LPCAT2: variants seen among roughly 807,000 people sequenced by gnomAD.
The protein encoded by LPCAT2 is 1-AGP acyltransferase 11.
A neutral mutation model predicts 64.7 loss-of-function variants in LPCAT2; 58 were observed. That is an observed-to-expected ratio of 0.90 (90% CI 0.73 to 1.12). The LOEUF (loss-of-function observed/expected upper bound fraction) is 1.12, where lower values mean the gene tolerates loss of function less well. Among genes scored for constraint, LPCAT2 ranks in the 50% most tolerant of loss-of-function variants. LPCAT2 has a pLI of 0.00. For missense variants in LPCAT2, 579 were observed against 669.8 expected (o/e 0.86, Z 1.50); for synonymous variants, 252 against 245.3 (o/e 1.03, Z -0.26).
intron 1 of LPCAT2, among the ~76,000 whole-genome samples, chr16:55,513,841 G>A (rs1962969123): frequency 6.6e-6 from 1 of 152,160 alleles, no homozygotes; most frequent in African/African-American, 2.4e-5. Flanking sequence ...TGGGAAGACT[G>A]TCTTTATTTG....
chr16:55,514,320 A>G (rs1425773996), intron 1 of LPCAT2, among the ~76,000 whole-genome samples: 1 of 152,162 alleles, frequency 6.6e-6, no homozygotes, highest in Non-Finnish European at 1.5e-5. Context: ...GGGACTGTAC[A>G]AGCAGAAAGT....
intron 1 of LPCAT2, among the ~76,000 whole-genome samples, chr16:55,517,735 A>C (rs1038708022): frequency 2.0e-5 from 3 of 152,204 alleles, no homozygotes; most frequent in Non-Finnish European, 4.4e-5. Context: ...GGGCACAAGA[A>C]AATAGACACA....
At chr16:55,551,732 G>C (rs886303826) in intron 11 of LPCAT2, among the ~76,000 whole-genome samples, 1 of 152,150 alleles carries the variant, frequency 6.6e-6, no homozygotes, top group African/African-American at 2.4e-5. Flanking sequence ...TAGGAAAACT[G>C]TTCACAACTT....
chr16:55,515,332 G>A (rs55895649), intron 1 of LPCAT2, among the ~76,000 whole-genome samples: 2,575 of 152,108 alleles, frequency 0.017, 76 homozygotes, highest in African/African-American at 0.059. Flanking sequence ...GGAGTAGCAG[G>A]ATGACATATT....
intron 11 of LPCAT2, among the ~76,000 whole-genome samples, chr16:55,561,272 T>C (rs1157451231): frequency 1.3e-5 from 2 of 151,978 alleles, no homozygotes; most frequent in African/African-American, 4.8e-5. Context: ...ATGTTTTTAA[T>C]AACATTGTGT....
At chr16:55,559,864 C>T (rs961868962) in intron 11 of LPCAT2, among the ~76,000 whole-genome samples, 3 of 151,030 alleles carry the variant, frequency 2.0e-5, no homozygotes, top group African/African-American at 7.3e-5. Context: ...TTCTATATGT[C>T]TGAGTATTTC....
At chr16:55,544,471 C>G (rs1963431156) in intron 8 of LPCAT2, among the ~76,000 whole-genome samples, 1 of 152,172 alleles carries the variant, frequency 6.6e-6, no homozygotes, top group South Asian at 2.1e-4. Context: ...AGGGACTTTG[C>G]TGTCATGTTT....
intron 8 of LPCAT2, among the ~76,000 whole-genome samples, chr16:55,545,194 C>CA (rs1963439704): frequency 6.6e-6 from 1 of 151,252 alleles, no homozygotes; most frequent in South Asian, 2.1e-4. Flanking sequence ...TGGTGTTAAG[C>CA]AAAAAAGCTG....
intron 1 of LPCAT2, among the ~76,000 whole-genome samples, chr16:55,520,023 G>A (rs1028817244): frequency 2.0e-5 from 3 of 152,074 alleles, no homozygotes; most frequent in Admixed American, 2.0e-4. Context: ...AAAAGAAATA[G>A]CAAAACAATA....
chr16:55,571,185 A>C (rs1392602380), intron 11 of LPCAT2, among the ~76,000 whole-genome samples: 1 of 152,248 alleles, frequency 6.6e-6, no homozygotes, highest in Non-Finnish European at 1.5e-5. Flanking sequence ...AAGATGTTGA[A>C]TAAATTCAAC....
chr16:55,580,839 A>C (rs59075118), intron 13 of LPCAT2, among the ~76,000 whole-genome samples: 81,596 of 151,478 alleles, frequency 0.54, 22,261 homozygotes, highest in East Asian at 0.7. Context: ...GGAGCGCATG[A>C]ACCCTATTGT....
At chr16:55,545,619 C>A in intron 8 of LPCAT2, 116 bp from the exon 9 acceptor site, 1 of 684,990 alleles carries the variant, frequency 1.5e-6, no homozygotes, top group Non-Finnish European at 2.5e-6. Context: ...CCTCATATAA[C>A]CTATGTTCTA....
chr16:55,564,540 T>C (rs1963670730), intron 11 of LPCAT2, among the ~76,000 whole-genome samples: 1 of 151,940 alleles, frequency 6.6e-6, no homozygotes, highest in Non-Finnish European at 1.5e-5. Context: ...GAAGAAACCC[T>C]TGTGTATATG....
chr16:55,552,502 G>A (rs182541072), intron 11 of LPCAT2, among the ~76,000 whole-genome samples: 1 of 152,242 alleles, frequency 6.6e-6, no homozygotes, highest in East Asian at 1.9e-4. Flanking sequence ...TATCTTATTT[G>A]AGAATTACCT....
chr16:55,556,996 C>T (rs1222488468), intron 11 of LPCAT2: 2 of 152,326 alleles, frequency 1.3e-5, no homozygotes, highest in African/African-American at 2.4e-5. Flanking sequence ...ACCGCATTTT[C>T]GCATGAACTG....
intron 1 of LPCAT2, 80 bp downstream of exon 1, chr16:55,509,432 C>T: frequency 4.0e-6 from 5 of 1,256,724 alleles, no homozygotes; most frequent in Non-Finnish European, 5.1e-6. Context: ...GGGTGTGGGT[C>T]TGAGAGAGGA....
At chr16:55,571,124 A>C (rs1316781885) in intron 11 of LPCAT2, among the ~76,000 whole-genome samples, 3 of 152,214 alleles carry the variant, frequency 2.0e-5, no homozygotes, top group Admixed American at 6.5e-5. Context: ...CATATCCTTA[A>C]ATTTTACTAA....
At chr16:55,553,518 T>C (rs1205783903) in intron 11 of LPCAT2, among the ~76,000 whole-genome samples, 1 of 152,204 alleles carries the variant, frequency 6.6e-6, no homozygotes, top group African/African-American at 2.4e-5. Context: ...CAGTCACATC[T>C]TCAGCCTCCA....
Position 55,534,815 on chromosome 16 carries a change from T to C in LPCAT2, c.797+338T>C, listed in dbSNP as rs915302875. 2.0e-5 allele frequency among the ~76,000 whole-genome samples: 3 copies of C among 152,172 alleles called. No homozygotes were observed. The South Asian group carries it at 6.2e-4, about 31-fold the overall frequency. ...TTTTATTTCCATTGCAGATTTGGCATTATCTAGTGTCTCTATCCTTACTTA... is the reference window on the plus strand; with the variant it reads ...TTTTATTTCCATTGCAGATTTGGCACTATCTAGTGTCTCTATCCTTACTTA... On this transcript the variant is annotated intron_variant, in intron 7 of 13. Transcript: ENST00000262134.
Sources: allele counts gnomAD v4.1 joint callset (sites outside exome capture counted in the v4.1 genomes callset), GRCh38; gene constraint gnomAD v4.1.1; transcripts MANE v1.5; gene names NCBI Gene and HGNC (gene_info 2026-07-23, HGNC 2026-07-21).